Variants in SAMMSON observed in about 807,000 individuals in gnomAD.
The protein encoded by SAMMSON is long intergenic non-protein coding RNA 1212.
chr3:70,045,641 TC>T (rs2067123886), intron 3 of SAMMSON, among the ~76,000 whole-genome samples: 1 of 152,080 alleles, frequency 6.6e-6, no homozygotes, highest in Non-Finnish European at 1.5e-5. Context: ...CATTCATTTC[TC>T]ACTCCAAAGT....
At chr3:70,422,343 TTA>T (rs1438093408) in intron 2 of SAMMSON, among the ~76,000 whole-genome samples, 4 of 152,078 alleles carry the variant, frequency 2.6e-5, no homozygotes, top group Non-Finnish European at 5.9e-5. Flanking sequence ...AAGAAGAGTG[TTA>T]TGTTTATTAA....
chr3:70,377,767 C>A (rs1299212263), intron 9 of SAMMSON, among the ~76,000 whole-genome samples: 1 of 151,822 alleles, frequency 6.6e-6, no homozygotes, highest in African/African-American at 2.4e-5. Flanking sequence ...TAAAAAATAC[C>A]TACAATTAGG....
intron 7 of SAMMSON, among the ~76,000 whole-genome samples, chr3:70,309,310 T>C (rs996680516): frequency 1.7e-4 from 26 of 152,152 alleles, no homozygotes; most frequent in Non-Finnish European, 7.4e-5. Context: ...ACCACTTTGT[T>C]GTAGGTATTA....
chr3:70,230,299 A>T (rs1701545543), intron 4 of SAMMSON, among the ~76,000 whole-genome samples: 1 of 152,206 alleles, frequency 6.6e-6, no homozygotes, highest in Non-Finnish European at 1.5e-5. Flanking sequence ...TTCTGTAGAC[A>T]AACATAGGAG....
intron 3 of SAMMSON, among the ~76,000 whole-genome samples, chr3:70,058,840 G>A (rs915772392): frequency 6.6e-6 from 1 of 152,066 alleles, no homozygotes; most frequent in African/African-American, 2.4e-5. Context: ...AATCAAGTCA[G>A]AGAGATTAAA....
chr3:70,289,998 G>C (rs1369521105), intron 6 of SAMMSON, among the ~76,000 whole-genome samples: 8 of 152,038 alleles, frequency 5.3e-5, no homozygotes, highest in Admixed American at 5.2e-4. Context: ...CTTTGCCTTT[G>C]GTTTGAATGT....
intron 4 of SAMMSON, among the ~76,000 whole-genome samples, chr3:70,220,622 AG>A (rs1466212589): frequency 6.6e-6 from 1 of 152,162 alleles, no homozygotes; most frequent in African/African-American, 2.4e-5. Flanking sequence ...TAGTGTGTTG[AG>A]GTGTTTGGTC....
At chr3:70,209,423 T>C (rs1701321008) in intron 4 of SAMMSON, among the ~76,000 whole-genome samples, 1 of 152,076 alleles carries the variant, frequency 6.6e-6, no homozygotes, top group African/African-American at 2.4e-5. Flanking sequence ...TATGTCAAGT[T>C]CTATGTTACC....
At chr3:70,300,385 T>C (rs1702336058) in intron 7 of SAMMSON, among the ~76,000 whole-genome samples, 1 of 152,122 alleles carries the variant, frequency 6.6e-6, no homozygotes, top group Non-Finnish European at 1.5e-5. Context: ...TATTTGTGTT[T>C]GATTCTCTCA....
chr3:70,023,408 C>T (rs1238398771), intron 3 of SAMMSON, among the ~76,000 whole-genome samples: 1 of 151,576 alleles, frequency 6.6e-6, no homozygotes, highest in Non-Finnish European at 1.5e-5. Flanking sequence ...TTGCAGTGAG[C>T]TGAGATTGCT....
intron 4 of SAMMSON, among the ~76,000 whole-genome samples, chr3:70,118,890 A>G (rs2106665526): frequency 6.6e-6 from 1 of 152,314 alleles, no homozygotes; most frequent in South Asian, 2.1e-4. Context: ...AGCCTATCCT[A>G]TAATCTGGCA....
chr3:70,413,603 A>G (rs1701240072), intron 2 of SAMMSON, among the ~76,000 whole-genome samples: 2 of 152,178 alleles, frequency 1.3e-5, no homozygotes, highest in Admixed American at 1.3e-4. Flanking sequence ...GGGCACAACT[A>G]CATATTTGTC....
At chr3:70,134,375 A>G (rs2106676329) in intron 4 of SAMMSON, among the ~76,000 whole-genome samples, 1 of 150,442 alleles carries the variant, frequency 6.6e-6, no homozygotes, top group Middle Eastern at 3.4e-3. Context: ...TTTTTTTTTA[A>G]TAAAAAGTAC....
intron 4 of SAMMSON, among the ~76,000 whole-genome samples, chr3:70,186,908 T>C (rs1022582733): frequency 3.9e-5 from 6 of 152,216 alleles, no homozygotes; most frequent in Non-Finnish European, 8.8e-5. Flanking sequence ...GTCATAAACG[T>C]AGTCTCAATT....
rs1251005797 is a variant in SAMMSON at position 70,237,977 on chromosome 3, A to ATATTTTTTTTTTT, written n.508-11129_508-11128insATTTTTTTTTTTT. On this transcript the variant is annotated intron_variant and non_coding_transcript_variant, in intron 4 of 9. Coordinates refer to ENST00000642114, the Ensembl canonical transcript of SAMMSON. The stretch of plus-strand genomic sequence containing the variant: ...AGGGAAAAGAAACTAATTGAGTGGT[A>ATATTTTTTTTTTT]TCTTTTTTTTTTTTTTTTTTTTTTT... Among the ~76,000 whole-genome samples, 2 of 13,002 alleles carry ATATTTTTTTTTTT rather than the reference A, an allele frequency of 1.5e-4. 1 individual carries two copies. The highest frequency in any genetic ancestry group is 2.9e-4 in the Non-Finnish European group (2 of 6,904). The allele number at this position is 13,002 out of a possible 152,430, so 8.5% of individuals were successfully genotyped here. A position where few individuals can be genotyped will look rare whatever the true frequency, so the allele number is the denominator to read the frequency against.
intron 7 of SAMMSON, among the ~76,000 whole-genome samples, chr3:70,307,963 G>C (rs775498433): frequency 4.6e-5 from 7 of 152,150 alleles, no homozygotes; most frequent in Non-Finnish European, 7.3e-5. Context: ...CTCTCCACCT[G>C]TGCAAAGAGA....
At chr3:70,227,126 T>C (rs1701515456) in intron 4 of SAMMSON, among the ~76,000 whole-genome samples, 2 of 152,204 alleles carry the variant, frequency 1.3e-5, no homozygotes, top group Admixed American at 6.5e-5. Flanking sequence ...CTGTGTAAGA[T>C]ACTTGAAATA....
intron 4 of SAMMSON, chr3:70,206,774 A>C: frequency 2.5e-6 from 1 of 397,710 alleles, no homozygotes; most frequent in Non-Finnish European, 4.4e-6. Context: ...CATGCTTTGC[A>C]TTCGTGAGTT....
At chr3:70,070,231 G>A (rs191034732) in intron 3 of SAMMSON, 1 of 152,054 alleles carries the variant, frequency 6.6e-6, no homozygotes, top group Non-Finnish European at 1.5e-5. Context: ...CAAAGTTAAC[G>A]TTTTATATAA....
Sources: allele counts gnomAD v4.1 joint callset (sites outside exome capture counted in the v4.1 genomes callset), GRCh38; gene constraint gnomAD v4.1.1; transcripts MANE v1.5; gene names NCBI Gene and HGNC (gene_info 2026-07-23, HGNC 2026-07-21).